DIP2B: variants seen among roughly 807,000 people sequenced by gnomAD.
The protein encoded by DIP2B is DIP2 acetate--CoA ligase B (putative).
A neutral mutation model predicts 198.0 loss-of-function variants in DIP2B; 76 were observed. That is an observed-to-expected ratio of 0.38 (90% CI 0.32 to 0.46). The LOEUF (loss-of-function observed/expected upper bound fraction) is 0.46, where lower values mean the gene tolerates loss of function less well. Among genes scored for constraint, DIP2B ranks in the 20% least tolerant of loss-of-function variants. DIP2B has a pLI of 0.99. For missense variants in DIP2B, 1,559 were observed against 1,978.4 expected (o/e 0.79, Z 4.02); for synonymous variants, 701 against 739.1 (o/e 0.95, Z 0.84).
intron 1 of DIP2B, among the ~76,000 whole-genome samples, chr12:50,536,271 GCATACATACATA>G (rs55888934): frequency 3.4e-5 from 5 of 148,080 alleles, no homozygotes; most frequent in South Asian, 2.2e-4. Flanking sequence ...CTAAATACGT[GCATACATACATA>G]CATACATACA....
intron 3 of DIP2B, among the ~76,000 whole-genome samples, chr12:50,649,919 C>T (rs1938424061): frequency 6.6e-6 from 1 of 151,720 alleles, no homozygotes; most frequent in Non-Finnish European, 1.5e-5. Flanking sequence ...ATATTAAGTG[C>T]CAAACGAGCC....
intron 19 of DIP2B, among the ~76,000 whole-genome samples, chr12:50,702,271 G>A (rs568850373): frequency 2.6e-5 from 4 of 152,226 alleles, no homozygotes; most frequent in East Asian, 1.9e-4. Flanking sequence ...GCTTGAACCC[G>A]GGAGGTGAAA....
intron 23 of DIP2B, 151 bp from the exon 24 acceptor site, chr12:50,718,558 C>G: frequency 1.5e-6 from 1 of 648,594 alleles, no homozygotes; most frequent in East Asian, 2.7e-5. Flanking sequence ...GCTCTTTGCC[C>G]TATTTGCTCC....
intron 1 of DIP2B, among the ~76,000 whole-genome samples, chr12:50,606,098 C>G: frequency 6.6e-6 from 1 of 152,200 alleles, no homozygotes; most frequent in Non-Finnish European, 1.5e-5. Flanking sequence ...GCTAGGATTA[C>G]AGGCATGAGC....
At chr12:50,529,229 C>A (rs1047581449) in intron 1 of DIP2B, among the ~76,000 whole-genome samples, 7 of 152,170 alleles carry the variant, frequency 4.6e-5, no homozygotes, top group Admixed American at 4.6e-4. Context: ...GAGATGGAGG[C>A]TCCGGGAGCT....
chr12:50,675,240 C>A, intron 6 of DIP2B, 89 bp from the exon 7 acceptor site: 1 of 1,505,316 alleles, frequency 6.6e-7, no homozygotes, highest in South Asian at 1.3e-5. Flanking sequence ...CGCCAAACAT[C>A]CTTAGAAATA....
At chr12:50,706,883 A>T (rs1392837485) in intron 21 of DIP2B, among the ~76,000 whole-genome samples, 13 of 152,048 alleles carry the variant, frequency 8.5e-5, no homozygotes, top group Admixed American at 8.5e-4. Flanking sequence ...TGTAACTAAG[A>T]GGATTAAGAT....
chr12:50,604,700 T>A (rs1958967272), intron 1 of DIP2B, among the ~76,000 whole-genome samples: 1 of 152,176 alleles, frequency 6.6e-6, no homozygotes. Context: ...TACTTCAGCC[T>A]CCCAGAGTGC....
rs1219059890 is a variant in DIP2B at position 50,685,902 on chromosome 12, G to C, written c.1387G>C (p.Val463Leu). The change falls in exon 11 of 38, where the codon GTT (valine) becomes CTT (leucine). Residue 463 changes from valine (V) to leucine (L), a missense_variant. Physicochemically the swap from Val to Leu is conservative, Grantham distance 32 (BLOSUM62 1). Coordinates refer to ENST00000301180, the MANE Select transcript of DIP2B (RefSeq NM_173602.3). ...CGIALALTSE[V>L]CLKGLPKTQN... is the part of the protein sequence containing the mutation. ...TATTGCCTTAGCTCTTACCAGTGAA[G>C]TTTGTCTAAAAGGACTGCCAAAAAC... The C allele has an allele frequency of 6.2e-7, 1 of 1,613,890 alleles. No homozygotes were observed. The highest frequency in any genetic ancestry group is 8.5e-7 in the Non-Finnish European group (1 of 1,179,912).
chr12:50,669,344 C>A (rs373269294), intron 4 of DIP2B, among the ~76,000 whole-genome samples: 2 of 152,296 alleles, frequency 1.3e-5, no homozygotes, highest in African/African-American at 2.4e-5. Flanking sequence ...AGGCTTCAGA[C>A]CTTCCTCAAT....
At chr12:50,657,273 A>G (rs1294677917) in intron 3 of DIP2B, among the ~76,000 whole-genome samples, 1 of 151,140 alleles carries the variant, frequency 6.6e-6, no homozygotes. Flanking sequence ...TTATCAATGG[A>G]TGCTAAAACT....
At chr12:50,625,916 C>G in intron 1 of DIP2B, 60 bp from the exon 2 acceptor site, 1 of 1,543,384 alleles carries the variant, frequency 6.5e-7, no homozygotes, top group Non-Finnish European at 8.9e-7. Context: ...TTTATTTTTA[C>G]AGTGGAAAAC....
intron 14 of DIP2B, among the ~76,000 whole-genome samples, chr12:50,694,532 CAT>C (rs1939274314): frequency 2.4e-5 from 2 of 82,444 alleles, no homozygotes; most frequent in African/African-American, 3.6e-5. Context: ...TACATACATA[CAT>C]ACATACATAC....
intron 23 of DIP2B, among the ~76,000 whole-genome samples, chr12:50,716,645 A>G (rs1222941632): frequency 6.6e-6 from 1 of 152,236 alleles, no homozygotes; most frequent in Non-Finnish European, 1.5e-5. Flanking sequence ...TATATGATTT[A>G]AGTGATTTTG....
At chr12:50,648,705 C>G (rs929025643) in intron 3 of DIP2B, among the ~76,000 whole-genome samples, 11 of 151,606 alleles carry the variant, frequency 7.3e-5, no homozygotes, top group South Asian at 2.1e-4. Flanking sequence ...CTTCCCCCCC[C>G]CCTCCTTACT....
chr12:50,601,408 G>C (rs1958935525), intron 1 of DIP2B, among the ~76,000 whole-genome samples: 1 of 151,534 alleles, frequency 6.6e-6, no homozygotes, highest in East Asian at 1.9e-4. Flanking sequence ...GCAGTGGCGC[G>C]ATCTCGACTC....
At chr12:50,667,651 T>TTA (rs1316726610) in intron 4 of DIP2B, among the ~76,000 whole-genome samples, 2 of 152,236 alleles carry the variant, frequency 1.3e-5, no homozygotes, top group African/African-American at 4.8e-5. Context: ...ACCTCATTTC[T>TTA]CAGGTGGCAT....
intron 1 of DIP2B, among the ~76,000 whole-genome samples, chr12:50,511,737 C>T (rs1307573944): frequency 6.6e-6 from 1 of 151,718 alleles, no homozygotes; most frequent in African/African-American, 2.4e-5. Flanking sequence ...ATCACAAGGT[C>T]AAGAGATCAA....
At chr12:50,542,102 T>A (rs1367250655) in intron 1 of DIP2B, among the ~76,000 whole-genome samples, 1 of 150,820 alleles carries the variant, frequency 6.6e-6, no homozygotes, top group African/African-American at 2.4e-5. Context: ...CCATCCTGGC[T>A]AACACAGTGA....
Sources: gnomAD v4.1 joint callset for allele counts (sites outside exome capture counted in the v4.1 genomes callset) on GRCh38, gnomAD v4.1.1 for gene constraint, MANE v1.5 for transcripts, NCBI Gene and HGNC (gene_info 2026-07-23, HGNC 2026-07-21) for gene names.